The following KANSL3 variants were observed in gnomAD, a reference collection of about 807,000 sequenced individuals.
KANSL3 encodes KAT8 regulatory NSL complex subunit 3, also known as NSL complex protein NSL3.
A neutral mutation model predicts 89.2 loss-of-function variants in KANSL3; 16 were observed. The observed-to-expected ratio is 0.18, with a 90% CI of 0.12 to 0.27. The LOEUF is 0.27. Ranked by LOEUF, KANSL3 falls within the 10% of genes least tolerant of loss-of-function variation. The probability of loss-of-function intolerance (pLI) is 1.00; values close to 1 mark genes in which losing one functional copy is unlikely to be tolerated. For missense variants in KANSL3, 879 were observed against 1,110.6 expected (o/e 0.79, Z 2.96); for synonymous variants, 385 against 419.7 (o/e 0.92, Z 1.01).
intron 14 of KANSL3, among the ~76,000 whole-genome samples, chr2:96,607,601 T>C (rs2068197356): frequency 1.3e-5 from 2 of 152,240 alleles, no homozygotes; most frequent in South Asian, 4.1e-4. Flanking sequence ...CCTTGGGGCC[T>C]GGCCTCATTT....
intron 19 of KANSL3, 74 bp from the exon 20 acceptor site, chr2:96,601,850 G>A (rs2067230246): frequency 6.8e-7 from 1 of 1,474,522 alleles, no homozygotes; most frequent in Non-Finnish European, 9.0e-7. Context: ...CTTTCCTGGA[G>A]AGCTTCTCCC....
chr2:96,618,750 A>C (rs897336965), intron 5 of KANSL3, among the ~76,000 whole-genome samples: 1 of 152,270 alleles, frequency 6.6e-6, no homozygotes, highest in Non-Finnish European at 1.5e-5. Flanking sequence ...CAAAGCTGAG[A>C]TCAGCCAGGC....
chr2:96,611,592 C>A (rs1320497402), intron 9 of KANSL3, among the ~76,000 whole-genome samples: 2 of 152,192 alleles, frequency 1.3e-5, no homozygotes, highest in Non-Finnish European at 2.9e-5. Context: ...GCCTAACACC[C>A]TGGGAGCAGG....
the KANSL3 span, among the ~76,000 whole-genome samples, chr2:96,584,960 T>C: frequency 6.6e-6 from 1 of 152,238 alleles, no homozygotes; most frequent in Non-Finnish European, 1.5e-5. Flanking sequence ...AATGACTTCT[T>C]GAAGCGAAGA....
intron 3 of KANSL3, chr2:96,628,184 TAGAGG>T (rs2072745947): frequency 7.8e-7 from 1 of 1,280,114 alleles, no homozygotes; most frequent in African/African-American, 1.5e-5. Flanking sequence ...TCATCTTGCC[TAGAGG>T]AAAGATGTGT....
At chr2:96,625,482 A>G (rs1158496000) in intron 3 of KANSL3, among the ~76,000 whole-genome samples, 2 of 152,240 alleles carry the variant, frequency 1.3e-5, no homozygotes, top group South Asian at 2.1e-4. Context: ...AAATATCAAC[A>G]GCATTTCCAA....
chr2:96,589,164 A>C (rs2066258629), downstream of KANSL3, among the ~76,000 whole-genome samples: 1 of 152,240 alleles, frequency 6.6e-6, no homozygotes, highest in African/African-American at 2.4e-5. Flanking sequence ...GAAAATGAAA[A>C]CAAAAAATGG....
downstream of KANSL3, among the ~76,000 whole-genome samples, chr2:96,589,815 A>G (rs541515121): frequency 4.6e-5 from 7 of 152,202 alleles, no homozygotes; most frequent in East Asian, 1.3e-3. Context: ...AAAAGACCAC[A>G]ATGAGATACC....
At chr2:96,583,200 T>C in the KANSL3 span, among the ~76,000 whole-genome samples, 9 of 152,224 alleles carry the variant, frequency 5.9e-5, no homozygotes, top group Admixed American at 5.9e-4. Flanking sequence ...CTTCCCATTA[T>C]CTGTCTGATT....
intron 15 of KANSL3, 146 bp from the exon 16 acceptor site, chr2:96,605,009 G>T: frequency 1.5e-6 from 1 of 669,290 alleles, no homozygotes; most frequent in Non-Finnish European, 2.5e-6. Context: ...AGGGAGAGTT[G>T]GGGTTATTTT....
chr2:96,600,324 A>G, intron 20 of KANSL3: 1 of 610,456 alleles, frequency 1.6e-6, no homozygotes, highest in Non-Finnish European at 2.1e-6. Flanking sequence ...ATCATGGGAA[A>G]CTTTCCCTTT....
chr2:96,605,522 G>T lies in KANSL3; in HGVS notation c.1742-11C>A. On this transcript the variant is annotated splice_polypyrimidine_tract_variant and intron_variant, in intron 14 of 20. Coordinates refer to ENST00000431828, the MANE Select transcript of KANSL3 (RefSeq NM_001115016.3). ...CTGATGAAATGGGAACTAAGACATG[G>T]AGCTGAGTTGAGATCCTCCACAATC... The T allele has an allele frequency of 6.2e-7, 1 of 1,608,830 alleles. No individual in the cohort carries two copies. The highest frequency in any genetic ancestry group is 1.1e-5 in the South Asian group (1 of 90,748).
At chr2:96,580,577 CAGA>C in the KANSL3 span, among the ~76,000 whole-genome samples, 2 of 152,104 alleles carry the variant, frequency 1.3e-5, no homozygotes, top group Non-Finnish European at 2.9e-5. Flanking sequence ...TGTCCTGGAG[CAGA>C]AGGATAGTGT....
At chr2:96,623,880 C>A (rs1012096583) in intron 3 of KANSL3, among the ~76,000 whole-genome samples, 1 of 152,264 alleles carries the variant, frequency 6.6e-6, no homozygotes, top group African/African-American at 2.4e-5. Flanking sequence ...TTCAGAAGCG[C>A]CCTCCATCTT....
Position 96,593,786 on chromosome 2 carries a change from T to G in KANSL3, c.*1825A>C, listed in dbSNP as rs911064125. 1 of 161,406 alleles carries G rather than the reference T, an allele frequency of 6.2e-6. No individual in the cohort carries two copies. Among genetic ancestry groups the G allele is most frequent in the Non-Finnish European group, 1.4e-5 (1 of 73,166 alleles). The allele number at this position is 161,406 out of a possible 1,614,324, so 10.0% of individuals were successfully genotyped here. Reference sequence around the variant, plus strand: ...TCCTAAAAGCTTCATATAGCTCATATAGTCTTATTGTCCACTGCTCTTTTG... The same window carrying G: ...TCCTAAAAGCTTCATATAGCTCATAGAGTCTTATTGTCCACTGCTCTTTTG... On this transcript the variant is annotated 3_prime_UTR_variant, in exon 21 of 21. Coordinates refer to ENST00000431828, the MANE Select transcript of KANSL3 (RefSeq NM_001115016.3).
rs934938803 is a variant in KANSL3, at chr2:96,602,916, G to T, written c.2150-54C>A. 23 of 1,530,268 alleles carry T rather than the reference G, an allele frequency of 1.5e-5. 1 individual carries two copies. Among genetic ancestry groups the T allele is most frequent in the South Asian group, 9.0e-5 (8 of 89,030 alleles). The allele number at this position is 1,530,268 out of a possible 1,614,324, so 94.8% of individuals were successfully genotyped here. A position where few individuals can be genotyped will look rare whatever the true frequency, so the allele number is the denominator to read the frequency against. On this transcript the variant is annotated intron_variant, in intron 17 of 20. Transcript: ENST00000431828. ...GAGACTCAATCACTTGCACTATCCC[G>T]AGAGCAGCCACATCCATCCACCCTC...
At chr2:96,589,016 G>C (rs1009226679), downstream of KANSL3, among the ~76,000 whole-genome samples, 1 of 152,200 alleles carries the variant, frequency 6.6e-6, no homozygotes, top group Admixed American at 6.5e-5. Context: ...CCAGGAGACT[G>C]TGGTAAGTTA....
chr2:96,627,872 T>C (rs1487002527), intron 3 of KANSL3: 1 of 1,277,730 alleles, frequency 7.8e-7, no homozygotes, highest in African/African-American at 1.5e-5. Flanking sequence ...AAACTGAAAC[T>C]AATAAGTTAT....
chr2:96,602,088 G>C (rs552576332), intron 19 of KANSL3, 28 bp downstream of exon 19: 1 of 1,536,488 alleles, frequency 6.5e-7, no homozygotes, highest in South Asian at 1.2e-5. Context: ...AGATCTGGGA[G>C]TCCCCACAGT....
Sources: gnomAD v4.1 joint callset for allele counts (sites outside exome capture counted in the v4.1 genomes callset) on GRCh38, gnomAD v4.1.1 for gene constraint, MANE v1.5 for transcripts, NCBI Gene and HGNC (gene_info 2026-07-23, HGNC 2026-07-21) for gene names.